STK39: variants seen among roughly 807,000 people sequenced by gnomAD.
The protein encoded by STK39 is STE20/SPS1-related proline-alanine-rich protein kinase.
In STK39, 20 loss-of-function variants were observed where a neutral mutation model predicts 77.8. The ratio of observed to expected loss-of-function variants is 0.26; its 90% CI spans 0.18 to 0.37. The LOEUF is 0.37. STK39 is among the 10% of genes least tolerant of loss of function. The pLI is 1.00. For missense variants in STK39, 479 were observed against 656.5 expected (o/e 0.73, Z 2.95); for synonymous variants, 246 against 234.1 (o/e 1.05, Z -0.47).
At chr2:167,977,886 C>T (rs920871971) in intron 16 of STK39, among the ~76,000 whole-genome samples, 2 of 152,150 alleles carry the variant, frequency 1.3e-5, no homozygotes, top group African/African-American at 4.8e-5. Flanking sequence ...TATTACTACT[C>T]AAATCAGTCT....
intron 14 of STK39, among the ~76,000 whole-genome samples, chr2:168,045,322 T>C (rs1685210609): frequency 6.6e-6 from 1 of 152,126 alleles, no homozygotes; most frequent in African/African-American, 2.4e-5. Flanking sequence ...AGGCATCCTC[T>C]AGAACAGAAA....
intron 2 of STK39, among the ~76,000 whole-genome samples, chr2:168,178,884 G>C (rs538941184): frequency 3.9e-5 from 6 of 152,264 alleles, no homozygotes; most frequent in African/African-American, 1.2e-4. Context: ...TAAAACTGTT[G>C]TGTGCCATCA....
intron 8 of STK39, among the ~76,000 whole-genome samples, chr2:168,137,279 T>C (rs1342894758): frequency 6.6e-6 from 1 of 152,146 alleles, no homozygotes. Context: ...TTAGGATAGA[T>C]AGGAACTTCT....
intron 16 of STK39, among the ~76,000 whole-genome samples, chr2:167,998,915 C>T (rs955758367): frequency 2.0e-5 from 3 of 152,184 alleles, no homozygotes; most frequent in Admixed American, 6.5e-5. Context: ...TCTAATGAAA[C>T]GCGTCTGAAG....
intron 10 of STK39, among the ~76,000 whole-genome samples, chr2:168,076,156 T>C (rs917290994): frequency 2.0e-5 from 3 of 152,202 alleles, no homozygotes. Context: ...CAGAGAAACT[T>C]CGTGTGGAAA....
At chr2:168,188,168 G>C (rs933268637) in intron 1 of STK39, among the ~76,000 whole-genome samples, 7 of 152,094 alleles carry the variant, frequency 4.6e-5, no homozygotes, top group African/African-American at 1.7e-4. Flanking sequence ...CCTTTCCCCA[G>C]CTTACTCTTT....
chr2:168,048,448 G>A (rs962869767), intron 14 of STK39, among the ~76,000 whole-genome samples: 13 of 152,172 alleles, frequency 8.5e-5, no homozygotes, highest in African/African-American at 2.4e-4. Flanking sequence ...TCCTGACCTC[G>A]TGATCCGCCG....
chr2:168,210,109 T>C (rs978952238), intron 1 of STK39, among the ~76,000 whole-genome samples: 5 of 149,828 alleles, frequency 3.3e-5, no homozygotes, highest in Non-Finnish European at 7.4e-5. Context: ...TAGAAAAACC[T>C]CAATTCTCAC....
chr2:168,122,751 A>G (rs1687441325), intron 10 of STK39, among the ~76,000 whole-genome samples: 1 of 152,148 alleles, frequency 6.6e-6, no homozygotes, highest in Non-Finnish European at 1.5e-5. Context: ...AGGTGTTTTT[A>G]TACACAAGAT....
At chr2:167,979,293 G>A (rs1041459197) in intron 16 of STK39, among the ~76,000 whole-genome samples, 3 of 152,038 alleles carry the variant, frequency 2.0e-5, no homozygotes, top group African/African-American at 7.2e-5. Context: ...CATTCCCACC[G>A]GCAGTGTATG....
intron 1 of STK39, among the ~76,000 whole-genome samples, chr2:168,200,365 A>C (rs1029029190): frequency 1.3e-5 from 2 of 152,102 alleles, no homozygotes; most frequent in African/African-American, 2.4e-5. Context: ...GGAAACCACC[A>C]GTTAAAATTG....
At chr2:168,102,848 T>C (rs1271505049) in intron 10 of STK39, among the ~76,000 whole-genome samples, 1 of 141,152 alleles carries the variant, frequency 7.1e-6, no homozygotes, top group Non-Finnish European at 1.5e-5. Context: ...GAGAATGGCA[T>C]GAACCTGGGA....
At chr2:168,055,160 A>C (rs1228890175) in intron 14 of STK39, among the ~76,000 whole-genome samples, 1 of 152,222 alleles carries the variant, frequency 6.6e-6, no homozygotes, top group Non-Finnish European at 1.5e-5. Context: ...CAGGGAAAAA[A>C]TTAATCAAAC....
chr2:168,105,752 C>G (rs1288890257), intron 10 of STK39, among the ~76,000 whole-genome samples: 6 of 152,270 alleles, frequency 3.9e-5, no homozygotes, highest in African/African-American at 1.4e-4. Context: ...ACCAAAAGGG[C>G]AAGACCTTGT....
intron 14 of STK39, among the ~76,000 whole-genome samples, chr2:168,018,136 T>C (rs920238647): frequency 6.6e-6 from 1 of 152,192 alleles, no homozygotes; most frequent in Non-Finnish European, 1.5e-5. Context: ...TTTCAACTTC[T>C]TGTAAGAACA....
intron 10 of STK39, among the ~76,000 whole-genome samples, chr2:168,075,559 A>G (rs1199429570): frequency 1.3e-5 from 2 of 152,046 alleles, no homozygotes; most frequent in African/African-American, 4.8e-5. Flanking sequence ...ATTAGTTGCC[A>G]TATACAAAAG....
chr2:168,098,945 C>T (rs1426083526), intron 10 of STK39, among the ~76,000 whole-genome samples: 1 of 152,194 alleles, frequency 6.6e-6, no homozygotes, highest in East Asian at 1.9e-4. Context: ...TAGAGCATTG[C>T]CTGGTCTCCT....
rs1014426942 is a variant in STK39, at chr2:168,175,245, G to A, written c.321+6733C>T. On this transcript the variant is annotated intron_variant, in intron 2 of 17. Transcript: ENST00000355999. ...AGCAACATTTTCCTGAAGTCTAGAA[G>A]AAAGGCAAAAGTGAGATATTTAAAA... 7.9e-5 allele frequency among the ~76,000 whole-genome samples: 12 copies of A among 152,264 alleles called. 1 individual carries two copies. Among genetic ancestry groups the A allele is most frequent in the African/African-American group, 2.9e-4 (12 of 41,554 alleles).
intron 11 of STK39, 33 bp from the exon 12 acceptor site, chr2:168,075,044 T>A (rs754909108): frequency 6.2e-7 from 1 of 1,613,926 alleles, no homozygotes; most frequent in East Asian, 2.2e-5. Flanking sequence ...TTAATATATA[T>A]ACACACACAC....
Sources: gnomAD v4.1 joint callset for allele counts (sites outside exome capture counted in the v4.1 genomes callset) on GRCh38, gnomAD v4.1.1 for gene constraint, MANE v1.5 for transcripts, NCBI Gene and HGNC (gene_info 2026-07-23, HGNC 2026-07-21) for gene names.